The following NRG3 variants were observed in gnomAD, a reference collection of about 807,000 sequenced individuals.
NRG3 encodes neuregulin 3, also known as pro-neuregulin-3, membrane-bound isoform.
Under a neutral mutation model 66.9 loss-of-function variants are expected in NRG3, and 31 were observed. The observed-to-expected ratio is 0.46, with a 90% confidence interval of 0.35 to 0.63. The LOEUF is 0.63. Among genes scored for constraint, NRG3 ranks in the 20% least tolerant of loss-of-function variants. The pLI is 0.00. For synonymous variants in NRG3, 393 were observed against 359.4 expected (o/e 1.09, Z -1.06); for missense variants, 910 against 878.9 (o/e 1.04, Z -0.45).
chr10:82,859,947 C>T (rs2064028403), intron 3 of NRG3, among the ~76,000 whole-genome samples: 1 of 151,976 alleles, frequency 6.6e-6, no homozygotes, highest in Non-Finnish European at 1.5e-5. Flanking sequence ...TTCATTTTGT[C>T]TTGCTAGACA....
chr10:81,954,700 C>A (rs1849665659), intron 1 of NRG3, among the ~76,000 whole-genome samples: 1 of 151,986 alleles, frequency 6.6e-6, no homozygotes, highest in South Asian at 2.1e-4. Context: ...TGAATGAGGG[C>A]ATTCTAAAAA....
At chr10:82,292,317 G>T (rs1188886857) in intron 1 of NRG3, among the ~76,000 whole-genome samples, 1 of 151,762 alleles carries the variant, frequency 6.6e-6, no homozygotes, top group African/African-American at 2.4e-5. Flanking sequence ...AAGAAAAAAG[G>T]AAGTAGTGAC....
chr10:81,885,891 C>G (rs544462118), intron 1 of NRG3, among the ~76,000 whole-genome samples: 35 of 152,124 alleles, frequency 2.3e-4, no homozygotes, highest in African/African-American at 8.4e-4. Flanking sequence ...TCTAGAGACA[C>G]CAGAATTTTT....
intron 4 of NRG3, among the ~76,000 whole-genome samples, chr10:82,866,978 GA>G (rs1328145625): frequency 6.6e-6 from 1 of 151,816 alleles, no homozygotes; most frequent in Non-Finnish European, 1.5e-5. Context: ...GGGACAGAGA[GA>G]AAAAAAATGT....
chr10:82,516,024 A>G (rs997898695), intron 2 of NRG3, among the ~76,000 whole-genome samples: 2 of 152,198 alleles, frequency 1.3e-5, no homozygotes, highest in African/African-American at 2.4e-5. Context: ...AAGCATTCCC[A>G]TGCAGGTTGG....
rs538370127 is a variant in NRG3 at position 82,973,105 on chromosome 10, A to G, written c.1285-683A>G. The stretch of plus-strand genomic sequence containing the variant: ...CAGTGTGCAGGGAGTGTTAAAGTTG[A>G]CAACTTATTGGCTCTTGAGATGCCA... On this transcript the variant is annotated intron_variant, in intron 6 of 8. Coordinates refer to ENST00000372141, the MANE Select transcript of NRG3 (RefSeq NM_001010848.4). Among the ~76,000 whole-genome samples, 5 of 152,302 alleles carry G rather than the reference A, an allele frequency of 3.3e-5. No individual in the cohort carries two copies. The East Asian group carries it at 7.7e-4, about 24-fold the overall frequency.
At chr10:81,938,055 C>T (rs540021543) in intron 1 of NRG3, among the ~76,000 whole-genome samples, 1 of 152,064 alleles carries the variant, frequency 6.6e-6, no homozygotes, top group East Asian at 1.9e-4. Context: ...GGTCATAAGA[C>T]CTGAGAGTTT....
intron 2 of NRG3, among the ~76,000 whole-genome samples, chr10:82,424,915 C>T (rs189389296): frequency 6.6e-6 from 1 of 152,000 alleles, no homozygotes; most frequent in Non-Finnish European, 1.5e-5. Context: ...ACTGAATTGT[C>T]TTAGCACCCA....
intron 2 of NRG3, among the ~76,000 whole-genome samples, chr10:82,590,907 C>CTTTA (rs547090832): frequency 2.9e-4 from 44 of 152,202 alleles, no homozygotes; most frequent in Non-Finnish European, 6.2e-4. Context: ...CGCTGTCAGG[C>CTTTA]TTTAGTTCAT....
intron 3 of NRG3, among the ~76,000 whole-genome samples, chr10:82,781,981 A>G (rs1331830825): frequency 2.6e-5 from 4 of 152,130 alleles, no homozygotes; most frequent in African/African-American, 9.7e-5. Flanking sequence ...CGTCCAGTGT[A>G]TCTTTTTGTG....
intron 1 of NRG3, among the ~76,000 whole-genome samples, chr10:82,145,495 C>A (rs188273488): frequency 6.6e-6 from 1 of 152,098 alleles, no homozygotes. Flanking sequence ...ATGTACCTGA[C>A]AAGGAGACAT....
chr10:82,629,366 A>C (rs927503453), intron 2 of NRG3, among the ~76,000 whole-genome samples: 2 of 152,214 alleles, frequency 1.3e-5, no homozygotes, highest in East Asian at 3.8e-4. Context: ...AAAAGAAAAT[A>C]AGTAATGTAT....
At chr10:82,161,176 T>G (rs994113922) in intron 1 of NRG3, among the ~76,000 whole-genome samples, 1 of 152,030 alleles carries the variant, frequency 6.6e-6, no homozygotes, top group African/African-American at 2.4e-5. Context: ...AATAAGCCAT[T>G]GAGCCTGGAG....
chr10:82,957,282 C>G (rs1031828923), intron 5 of NRG3, among the ~76,000 whole-genome samples: 2 of 151,838 alleles, frequency 1.3e-5, no homozygotes, highest in African/African-American at 4.9e-5. Flanking sequence ...ATTAGGGTAG[C>G]AAAACTAGTG....
At chr10:82,349,286 C>T (rs910306598) in intron 1 of NRG3, among the ~76,000 whole-genome samples, 1 of 152,018 alleles carries the variant, frequency 6.6e-6, no homozygotes, top group Non-Finnish European at 1.5e-5. Context: ...TTCTAACAGA[C>T]GGGACCCTCA....
chr10:82,293,835 C>T (rs539454807), intron 1 of NRG3, among the ~76,000 whole-genome samples: 137 of 152,216 alleles, frequency 9.0e-4, no homozygotes, highest in African/African-American at 3.1e-3. Context: ...GTCCTGGAAG[C>T]ATATTGAAAA....
chr10:82,095,049 A>G (rs1231860090), intron 1 of NRG3, among the ~76,000 whole-genome samples: 3 of 152,176 alleles, frequency 2.0e-5, no homozygotes, highest in African/African-American at 7.2e-5. Flanking sequence ...TTTTAAATGA[A>G]AAACCTGGAG....
chr10:81,961,496 CTAATGAA>C (rs1850360294), intron 1 of NRG3, among the ~76,000 whole-genome samples: 1 of 152,080 alleles, frequency 6.6e-6, no homozygotes, highest in Admixed American at 6.5e-5. Flanking sequence ...AACTAATGAA[CTAATGAA>C]CTAATACTAC....
intron 2 of NRG3, among the ~76,000 whole-genome samples, chr10:82,548,759 A>AAATT (rs112668782): frequency 6.6e-6 from 1 of 151,958 alleles, no homozygotes; most frequent in Admixed American, 6.6e-5. Context: ...AAACATAAAT[A>AAATT]AATTAATTAA....
Sources: gnomAD v4.1 joint callset for allele counts (sites outside exome capture counted in the v4.1 genomes callset) on GRCh38, gnomAD v4.1.1 for gene constraint, MANE v1.5 for transcripts, NCBI Gene and HGNC (gene_info 2026-07-23, HGNC 2026-07-21) for gene names.